MYO9A: variants seen among roughly 807,000 people sequenced by gnomAD.
MYO9A encodes myosin IXA.
A neutral mutation model predicts 293.3 loss-of-function variants in MYO9A; 103 were observed. The ratio of observed to expected loss-of-function variants is 0.35; its 90% CI spans 0.30 to 0.41. The LOEUF is 0.41. Among genes scored for constraint, MYO9A ranks in the 10% least tolerant of loss-of-function variants. The probability of loss-of-function intolerance (pLI) is 1.00; values close to 1 mark genes in which losing one functional copy is unlikely to be tolerated. For synonymous variants in MYO9A, 1,001 were observed against 1,035.7 expected, an observed-to-expected ratio of 0.97 and a Z score of 0.64; for missense variants, 2,685 against 3,033.0, an observed-to-expected ratio of 0.89 and a Z score of 2.69.
In MYO9A at chr15:71,898,721, T is replaced by A. The variant is rs1448775823; in HGVS notation, c.3782A>T (p.Asp1261Val). 3 of 1,613,906 alleles carry A rather than the reference T, an allele frequency of 1.9e-6. No homozygotes were observed. The highest frequency in any genetic ancestry group is 1.3e-5 in the African/African-American group (1 of 74,892). The change falls in exon 25 of 42, where the codon GAT becomes GTT. Residue 1261 changes from aspartate (D) to valine (V), a missense_variant. Transcript: ENST00000356056. ...CCGGCCTACTTTTTTCTGATGGAGA[T>A]CCTCCAAGGATCTGGGTCTCTCTCT... ...LVRERPRSLE[D>V]LHQKKVGRAK... is the part of the protein sequence containing the mutation.
chr15:71,851,989 G>T, intron 36 of MYO9A, 143 bp downstream of exon 36: 2 of 948,984 alleles, frequency 2.1e-6, no homozygotes, highest in Non-Finnish European at 2.9e-6. Context: ...CAGTATACTA[G>T]CCGTTTTGTA....
chr15:71,899,080 C>A (rs1778665238), intron 24 of MYO9A, 48 bp from the exon 25 acceptor site: 1 of 1,423,416 alleles, frequency 7.0e-7, no homozygotes, highest in South Asian at 1.4e-5. Context: ...TTAGTTACCA[C>A]TGAAAATAAC....
intron 34 of MYO9A, 81 bp from the exon 35 acceptor site, chr15:71,854,650 C>A (rs542219731): frequency 6.9e-6 from 8 of 1,151,974 alleles, no homozygotes; most frequent in Admixed American, 2.8e-5. Context: ...CCAGGAGCTA[C>A]TTTTTTATTT....
intron 1 of MYO9A, among the ~76,000 whole-genome samples, chr15:72,070,081 A>G (rs1030262512): frequency 1.4e-5 from 2 of 147,944 alleles, no homozygotes; most frequent in African/African-American, 2.5e-5. Flanking sequence ...GTGAGCCGAG[A>G]TATCTCCACT....
intron 6 of MYO9A, among the ~76,000 whole-genome samples, chr15:72,018,337 G>A (rs137889692): frequency 0.013 from 1,920 of 152,048 alleles, 57 homozygotes; most frequent in Admixed American, 0.058. Context: ...GCATGGTGGC[G>A]CACGCCTGTA....
At chr15:71,851,643 A>T (rs971073083) in intron 36 of MYO9A, among the ~76,000 whole-genome samples, 4 of 152,174 alleles carry the variant, frequency 2.6e-5, no homozygotes, top group African/African-American at 9.7e-5. Context: ...AGATTGATTT[A>T]CCATTAAAGT....
chr15:71,996,187 A>T (rs1015432409), intron 9 of MYO9A, among the ~76,000 whole-genome samples: 10 of 152,220 alleles, frequency 6.6e-5, no homozygotes, highest in Non-Finnish European at 1.0e-4. Context: ...ATCTAATAAA[A>T]TTCAGGAAAA....
chr15:71,956,711 G>A (rs2059205839), intron 14 of MYO9A, among the ~76,000 whole-genome samples: 1 of 149,884 alleles, frequency 6.7e-6, no homozygotes, highest in South Asian at 2.1e-4. Context: ...GCATATGTGT[G>A]TAGCATATGC....
intron 10 of MYO9A, among the ~76,000 whole-genome samples, chr15:71,991,470 T>C (rs1422982669): frequency 6.6e-6 from 1 of 152,202 alleles, no homozygotes; most frequent in Non-Finnish European, 1.5e-5. Context: ...ATCTATAGAT[T>C]ACAGAAATAT....
At chr15:72,042,931 A>G (rs761316772) in intron 2 of MYO9A, among the ~76,000 whole-genome samples, 6 of 151,984 alleles carry the variant, frequency 3.9e-5, no homozygotes, top group Non-Finnish European at 8.8e-5. Context: ...ACAGCCGAGC[A>G]CAGCAACACA....
chr15:71,900,171 A>T (rs1000037268), intron 23 of MYO9A, among the ~76,000 whole-genome samples, 165 bp from the exon 24 acceptor site: 1 of 152,228 alleles, frequency 6.6e-6, no homozygotes, highest in Non-Finnish European at 1.5e-5. Flanking sequence ...GCGGTGGCTC[A>T]TGCCTGTAAT....
At chr15:72,055,077 A>C (rs1292748205) in intron 1 of MYO9A, among the ~76,000 whole-genome samples, 2 of 152,330 alleles carry the variant, frequency 1.3e-5, no homozygotes, top group East Asian at 3.9e-4. Context: ...GTGGGTGCTG[A>C]AAGAAAACAT....
intron 1 of MYO9A, among the ~76,000 whole-genome samples, chr15:72,075,325 A>G (rs2079316965): frequency 6.6e-6 from 1 of 152,152 alleles, no homozygotes; most frequent in South Asian, 2.1e-4. Context: ...ATAGTCAGTC[A>G]TGAAAATGTG....
Position 72,045,662 on chromosome 15 carries a change from C to G in MYO9A, c.840+62G>C, listed in dbSNP as rs144778826. The G allele has an allele frequency of 4.8e-5, 71 of 1,481,924 alleles. No homozygotes were observed. In the African/African-American group the frequency reaches 9.1e-4, roughly 19 times the overall value. The allele number at this position is 1,481,924 out of a possible 1,614,324, so 91.8% of individuals were successfully genotyped here. A position where few individuals can be genotyped will look rare whatever the true frequency, so the allele number is the denominator to read the frequency against. Reference sequence around the variant, plus strand: ...TGCAGTACCTCCAGGAATGGTACACCCCCCCACCTCAAAGGATAAAAATCA... The same window carrying G: ...TGCAGTACCTCCAGGAATGGTACACGCCCCCACCTCAAAGGATAAAAATCA... On this transcript the variant is annotated intron_variant, in intron 2 of 41. Coordinates refer to ENST00000356056, the MANE Select transcript of MYO9A (RefSeq NM_006901.4).
intron 8 of MYO9A, among the ~76,000 whole-genome samples, chr15:72,000,672 C>T (rs1322009851): frequency 6.6e-6 from 1 of 152,144 alleles, no homozygotes; most frequent in African/African-American, 2.4e-5. Context: ...CAGAGTTTCA[C>T]TCTGCCATTC....
At chr15:71,934,213 A>G (rs1250801008) in intron 17 of MYO9A, among the ~76,000 whole-genome samples, 1 of 152,076 alleles carries the variant, frequency 6.6e-6, no homozygotes, top group Non-Finnish European at 1.5e-5. Flanking sequence ...ATTTATTTTT[A>G]GCCTTTTTTA....
At chr15:71,906,668 C>T (rs990314282) in intron 19 of MYO9A, among the ~76,000 whole-genome samples, 1 of 150,752 alleles carries the variant, frequency 6.6e-6, no homozygotes, top group African/African-American at 2.4e-5. Context: ...CATTTTTTAA[C>T]CCTTTAGTAT....
intron 18 of MYO9A, among the ~76,000 whole-genome samples, chr15:71,920,716 G>T (rs1252445307): frequency 6.6e-6 from 1 of 152,124 alleles, no homozygotes; most frequent in Non-Finnish European, 1.5e-5. Flanking sequence ...GGAAGGCTGA[G>T]GTGAGCAGAT....
chr15:71,911,988 A>G (rs2057866544), intron 19 of MYO9A, among the ~76,000 whole-genome samples: 1 of 152,030 alleles, frequency 6.6e-6, no homozygotes, highest in Non-Finnish European at 1.5e-5. Flanking sequence ...TTTATTGAGT[A>G]TATTTTATGG....
Sources: gnomAD v4.1 joint callset for allele counts (sites outside exome capture counted in the v4.1 genomes callset) on GRCh38, gnomAD v4.1.1 for gene constraint, MANE v1.5 for transcripts, NCBI Gene and HGNC (gene_info 2026-07-23, HGNC 2026-07-21) for gene names.